RNF217: variants seen among roughly 807,000 people sequenced by gnomAD.
RNF217 encodes the protein ring finger protein 217, also known as E3 ubiquitin-protein ligase RNF217.
In RNF217, 31 loss-of-function variants were observed where a neutral mutation model predicts 57.8. The ratio of observed to expected loss-of-function variants is 0.54; its 90% CI spans 0.40 to 0.72. RNF217 has a LOEUF of 0.72. Ranked by LOEUF, RNF217 falls within the 30% of genes least tolerant of loss-of-function variation. The pLI is 0.00. For missense variants in RNF217, 696 were observed against 708.3 expected (o/e 0.98, Z 0.20); for synonymous variants, 313 against 294.0 (o/e 1.06, Z -0.66).
chr6:125,048,293 A>T (rs775178583), intron 2 of RNF217: 6 of 1,311,764 alleles, frequency 4.6e-6, no homozygotes, highest in Non-Finnish European at 5.0e-6. Flanking sequence ...ATTTTTAAAA[A>T]TTCAGTTTCC....
chr6:125,036,101 G>T (rs1175598378), intron 1 of RNF217, among the ~76,000 whole-genome samples: 1 of 151,656 alleles, frequency 6.6e-6, no homozygotes, highest in Non-Finnish European at 1.5e-5. Context: ...GACAGGCCTC[G>T]GTGTGTGATG....
chr6:124,987,955 C>T (rs1310494833), intron 1 of RNF217, among the ~76,000 whole-genome samples: 2 of 152,038 alleles, frequency 1.3e-5, no homozygotes, highest in Non-Finnish European at 2.9e-5. Context: ...TTTCCAAAGC[C>T]GTTAGATTAA....
intron 1 of RNF217, among the ~76,000 whole-genome samples, chr6:124,975,042 A>T (rs1162991924): frequency 6.6e-6 from 1 of 152,164 alleles, no homozygotes; most frequent in Non-Finnish European, 1.5e-5. Flanking sequence ...CCCTTTTTAA[A>T]TCTTTCTAAG....
chr6:125,004,913 T>C (rs921116482), intron 1 of RNF217, among the ~76,000 whole-genome samples: 1 of 152,170 alleles, frequency 6.6e-6, no homozygotes, highest in Non-Finnish European at 1.5e-5. Flanking sequence ...GACTGGGTAA[T>C]TTATAAAGAA....
rs747873068 is a variant in RNF217, at chr6:125,083,662, T to C, written c.*725T>C. On this transcript the variant is annotated 3_prime_UTR_variant, in exon 6 of 6. Coordinates refer to ENST00000521654, the MANE Select transcript of RNF217 (RefSeq NM_001286398.3). ...TTTTCATAGACCTATTGAAAGATGA[T>C]GGCTCCTTTGTGGACATAATTTAGC... 1.4e-4 allele frequency: 21 copies of C among 152,208 alleles called. No homozygotes were observed. The highest frequency in any genetic ancestry group is 2.6e-4 in the African/African-American group (11 of 41,560). The allele number at this position is 152,208 out of a possible 1,614,324, so 9.4% of individuals were successfully genotyped here.
intron 1 of RNF217, chr6:125,009,189 T>C: frequency 3.2e-6 from 5 of 1,575,120 alleles, no homozygotes; most frequent in Non-Finnish European, 4.3e-6. Flanking sequence ...TTGCCAGCAC[T>C]TGAGTAAAGA....
intron 1 of RNF217, among the ~76,000 whole-genome samples, chr6:125,042,823 T>G (rs1309753079): frequency 6.6e-6 from 1 of 151,998 alleles, no homozygotes; most frequent in Non-Finnish European, 1.5e-5. Context: ...ATTGCTATCA[T>G]TTACATAGTT....
rs2114680083 is a variant in RNF217 at position 125,091,796 on chromosome 6, T to C, written c.*8859T>C. ...CAGTAATATACTTTCATACAGATGC[T>C]AGAGAACCATGGTGTCTGCTATTTA... On this transcript the variant is annotated 3_prime_UTR_variant, in exon 6 of 6. Transcript: ENST00000521654. 2 of 152,314 alleles carry C rather than the reference T, an allele frequency of 1.3e-5. No homozygotes were observed. Among genetic ancestry groups the C allele is most frequent in the Middle Eastern group, 6.8e-3 (2 of 294 alleles). The allele number at this position is 152,314 out of a possible 1,614,324, so 9.4% of individuals were successfully genotyped here.
At chr6:125,074,425 G>A (rs1360336862) in intron 3 of RNF217, among the ~76,000 whole-genome samples, 2 of 152,076 alleles carry the variant, frequency 1.3e-5, no homozygotes, top group Non-Finnish European at 2.9e-5. Context: ...ATTAATGGCC[G>A]TTATTAGTTC....
intron 1 of RNF217, among the ~76,000 whole-genome samples, chr6:124,964,550 A>G (rs938074807): frequency 2.6e-5 from 4 of 152,082 alleles, no homozygotes; most frequent in Non-Finnish European, 5.9e-5. Context: ...TGATTCCTCT[A>G]TGTTTTTTGG....
chr6:125,032,003 G>A (rs1446368562), intron 1 of RNF217, among the ~76,000 whole-genome samples: 1 of 152,142 alleles, frequency 6.6e-6, no homozygotes, highest in African/African-American at 2.4e-5. Flanking sequence ...TTACATGGCA[G>A]CAGCAAGAGA....
Position 125,006,123 on chromosome 6 carries a change from C to A in RNF217, c.883-39088C>A, listed in dbSNP as rs956768646. 2.0e-5 allele frequency: 3 copies of A among 152,270 alleles called. No individual in the cohort carries two copies. The East Asian group carries it at 5.8e-4, about 29-fold the overall frequency. The allele number at this position is 152,270 out of a possible 1,614,324, so 9.4% of individuals were successfully genotyped here. ...TGAGGATACTTCCCAGGAACTCCTG[C>A]CTTTTTGGAGGTGACTCTGTCAGTT... On this transcript the variant is annotated intron_variant, in intron 1 of 5. Coordinates refer to ENST00000521654, the MANE Select transcript of RNF217 (RefSeq NM_001286398.3).
At chr6:124,982,580 T>TTC (rs1491257363) in intron 1 of RNF217, among the ~76,000 whole-genome samples, 2 of 152,026 alleles carry the variant, frequency 1.3e-5, no homozygotes, top group Non-Finnish European at 2.9e-5. Context: ...CAGTAACACA[T>TTC]TTTACATAAT....
intron 1 of RNF217, among the ~76,000 whole-genome samples, chr6:125,028,223 T>G (rs1213451362): frequency 6.6e-6 from 1 of 152,138 alleles, no homozygotes; most frequent in Non-Finnish European, 1.5e-5. Flanking sequence ...ATCCCCCTTT[T>G]TTGGTTCAGT....
intron 2 of RNF217, among the ~76,000 whole-genome samples, chr6:125,057,006 A>C (rs1216922650): frequency 6.6e-6 from 1 of 152,230 alleles, no homozygotes; most frequent in Non-Finnish European, 1.5e-5. Flanking sequence ...ACGGTTTTCT[A>C]AGTACAGGCC....
intron 1 of RNF217, among the ~76,000 whole-genome samples, chr6:125,009,729 C>G (rs1233803441): frequency 6.6e-6 from 1 of 152,028 alleles, no homozygotes; most frequent in Non-Finnish European, 1.5e-5. Context: ...TAACTAGTAT[C>G]AGAGATAAAC....
intron 1 of RNF217, among the ~76,000 whole-genome samples, chr6:124,996,388 G>A (rs1199202627): frequency 6.6e-6 from 1 of 151,608 alleles, no homozygotes; most frequent in African/African-American, 2.4e-5. Flanking sequence ...TCTGTTTCTT[G>A]GGTTGTCTCT....
chr6:125,020,075 CCT>C (rs1370501337), intron 1 of RNF217, among the ~76,000 whole-genome samples: 3 of 152,088 alleles, frequency 2.0e-5, no homozygotes, highest in Non-Finnish European at 2.9e-5. Context: ...GCGTGAGTTC[CCT>C]GTGCCAGACT....
At chr6:125,009,004 T>C (rs1218776763) in intron 1 of RNF217, 4 of 320,582 alleles carry the variant, frequency 1.2e-5, no homozygotes, top group Non-Finnish European at 2.3e-5. Context: ...GAAAATGATA[T>C]ATTATTACAT....
Sources: allele counts gnomAD v4.1 joint callset (sites outside exome capture counted in the v4.1 genomes callset), GRCh38; gene constraint gnomAD v4.1.1; transcripts MANE v1.5; gene names NCBI Gene and HGNC (gene_info 2026-07-23, HGNC 2026-07-21).